Variants in INO80 observed in about 807,000 individuals in gnomAD.
INO80 encodes the protein INO80 complex ATPase subunit, also known as chromatin-remodeling ATPase INO80.
INO80 carries 20 observed loss-of-function variants against 203.4 expected under a neutral mutation model. The observed-to-expected ratio is 0.10, with a 90% confidence interval of 0.07 to 0.14. INO80 has a LOEUF of 0.14. Among genes scored for constraint, INO80 ranks in the 10% least tolerant of loss-of-function variants. The pLI is 1.00. For missense variants in INO80, 1,419 were observed against 1,914.4 expected, an observed-to-expected ratio of 0.74 and a Z score of 4.83; for synonymous variants, 726 against 685.2, an observed-to-expected ratio of 1.06 and a Z score of -0.93.
intron 24 of INO80, among the ~76,000 whole-genome samples, chr15:41,033,074 A>T (rs1175686715): frequency 6.6e-6 from 1 of 152,088 alleles, no homozygotes; most frequent in Non-Finnish European, 1.5e-5. Flanking sequence ...AACTTTCAGC[A>T]CGTACTATGC....
intron 31 of INO80, among the ~76,000 whole-genome samples, chr15:40,986,206 G>A (rs2043730402): frequency 6.6e-6 from 1 of 151,580 alleles, no homozygotes; most frequent in Non-Finnish European, 1.5e-5. Context: ...GGGCAGAAGA[G>A]CAAATTCACT....
intron 27 of INO80, among the ~76,000 whole-genome samples, chr15:41,011,075 A>G (rs987095799): frequency 6.6e-6 from 1 of 152,178 alleles, no homozygotes; most frequent in Admixed American, 6.5e-5. Context: ...TCTGACTTCA[A>G]CCTACTCCTG....
chr15:41,079,657 G>C (rs1314850881), intron 9 of INO80, 44 bp downstream of exon 9: 1 of 1,532,958 alleles, frequency 6.5e-7, no homozygotes, highest in Middle Eastern at 1.7e-4. Context: ...TCTTCAAATG[G>C]CTGTAGTAAT....
intron 14 of INO80, among the ~76,000 whole-genome samples, chr15:41,064,431 G>T (rs568899259): frequency 2.6e-5 from 4 of 152,254 alleles, no homozygotes; most frequent in Admixed American, 6.5e-5. Flanking sequence ...CTAGGCTGGA[G>T]TACAGTGGTG....
At chr15:41,038,306 G>GAC (rs1358334548) in intron 24 of INO80, among the ~76,000 whole-genome samples, 2 of 151,906 alleles carry the variant, frequency 1.3e-5, no homozygotes, top group Admixed American at 1.3e-4. Flanking sequence ...TACTGCACCC[G>GAC]ACATCTTCCC....
chr15:41,101,481 C>T (rs2045805970), intron 1 of INO80, among the ~76,000 whole-genome samples: 1 of 152,102 alleles, frequency 6.6e-6, no homozygotes, highest in African/African-American at 2.4e-5. Flanking sequence ...TTTATTTCAC[C>T]TTAGCTCAAT....
intron 9 of INO80, among the ~76,000 whole-genome samples, chr15:41,077,569 T>C (rs1399525428): frequency 2.0e-5 from 3 of 152,122 alleles, no homozygotes; most frequent in Non-Finnish European, 4.4e-5. Flanking sequence ...AAATCTTTGT[T>C]TTTTTCTGAA....
At chr15:41,056,961 C>T (rs2044997864) in intron 16 of INO80, among the ~76,000 whole-genome samples, 1 of 152,170 alleles carries the variant, frequency 6.6e-6, no homozygotes, top group Non-Finnish European at 1.5e-5. Context: ...AGAGTTGTAT[C>T]ATTTCTGGCT....
At chr15:41,029,233 C>G (rs1244101744) in intron 24 of INO80, among the ~76,000 whole-genome samples, 4 of 152,250 alleles carry the variant, frequency 2.6e-5, no homozygotes, top group African/African-American at 9.6e-5. Flanking sequence ...CCAAATCACT[C>G]TGAGGATAAT....
In INO80 at chr15:41,061,612, G is replaced by GAC. The variant is rs1392624450; in HGVS notation, c.1783-1688_1783-1687dup. ...CACTCCAGCCTGGGCGACAGAGTGA[G>GAC]ACTGTGTTTCAAAAAAATAAATAAA... is the stretch of plus-strand genomic sequence containing the variant. On this transcript the variant is annotated intron_variant, in intron 14 of 35. Transcript: ENST00000648947. Among the ~76,000 whole-genome samples, 6 of 151,932 alleles carry GAC rather than the reference G, an allele frequency of 3.9e-5. No homozygotes were observed. In the East Asian group the frequency reaches 1.2e-3, roughly 29 times the overall value.
At chr15:41,115,887 C>A (rs1008345533) in intron 1 of INO80, 86 bp downstream of exon 1, 10 of 376,890 alleles carry the variant, frequency 2.7e-5, no homozygotes, top group African/African-American at 2.1e-4. Context: ...CTTTAAGACG[C>A]GGCCCAGTTG....
At chr15:41,022,172 C>A (rs1022599960) in intron 25 of INO80, among the ~76,000 whole-genome samples, 1 of 152,206 alleles carries the variant, frequency 6.6e-6, no homozygotes, top group African/African-American at 2.4e-5. Flanking sequence ...AATCTGCATA[C>A]GCAGAATTGC....
chr15:41,114,400 A>G (rs1051001797), intron 1 of INO80, among the ~76,000 whole-genome samples: 1 of 152,136 alleles, frequency 6.6e-6, no homozygotes, highest in Admixed American at 6.5e-5. Flanking sequence ...CTAGAACAGA[A>G]TATTATTTGG....
chr15:41,007,182 C>CA (rs1318410436), intron 27 of INO80, among the ~76,000 whole-genome samples: 42 of 119,310 alleles, frequency 3.5e-4, no homozygotes, highest in Non-Finnish European at 1.7e-5. Context: ...TTTTTTTTTT[C>CA]TTTTTTTTTT....
At chr15:41,029,307 T>C (rs755987700) in intron 24 of INO80, among the ~76,000 whole-genome samples, 1 of 150,132 alleles carries the variant, frequency 6.7e-6, no homozygotes, top group Middle Eastern at 3.4e-3. Context: ...CTTACATCTC[T>C]GTAAGGAAAT....
intron 26 of INO80, 31 bp from the exon 27 acceptor site, chr15:41,016,246 C>T: frequency 6.2e-7 from 1 of 1,607,782 alleles, no homozygotes; most frequent in Non-Finnish European, 8.5e-7. Context: ...TGAGGGGGAA[C>T]TGTATTTAAT....
intron 24 of INO80, among the ~76,000 whole-genome samples, chr15:41,033,955 G>C (rs188289741): frequency 6.6e-6 from 1 of 152,028 alleles, no homozygotes; most frequent in East Asian, 1.9e-4. Flanking sequence ...CCAGCTTCTC[G>C]GGAGGCTGAG....
intron 23 of INO80, 98 bp from the exon 24 acceptor site, chr15:41,045,173 T>A: frequency 1.2e-6 from 1 of 847,786 alleles, no homozygotes; most frequent in Non-Finnish European, 1.7e-6. Context: ...CATAACTCTT[T>A]TGTAAATCTT....
intron 14 of INO80, among the ~76,000 whole-genome samples, chr15:41,063,023 G>T (rs533814479): frequency 6.6e-6 from 1 of 152,096 alleles, no homozygotes; most frequent in African/African-American, 2.4e-5. Context: ...TCTCCTGAGC[G>T]CTGTCATGGG....
Sources: gnomAD v4.1 joint callset for allele counts (sites outside exome capture counted in the v4.1 genomes callset) on GRCh38, gnomAD v4.1.1 for gene constraint, MANE v1.5 for transcripts, NCBI Gene and HGNC (gene_info 2026-07-23, HGNC 2026-07-21) for gene names.